TENM1: variants seen among roughly 807,000 people sequenced by gnomAD.
The protein encoded by TENM1 is teneurin-1.
In TENM1, 35 loss-of-function variants were observed where a neutral mutation model predicts 174.8. The ratio of observed to expected loss-of-function variants is 0.20; its 90% CI spans 0.15 to 0.27. TENM1 has a LOEUF of 0.27. Ranked by LOEUF, TENM1 falls within the 10% of genes least tolerant of loss-of-function variation. TENM1 has a pLI of 1.00. For synonymous variants in TENM1, 781 were observed against 798.7 expected, an observed-to-expected ratio of 0.98 and a Z score of 0.37; for missense variants, 1,633 against 2,130.1, an observed-to-expected ratio of 0.77 and a Z score of 4.59.
At chrX:124,522,396 G>T (rs2148048105) in intron 17 of TENM1, among the ~76,000 whole-genome samples, 1 of 111,375 alleles carries the variant, frequency 9.0e-6, no homozygotes, top group Admixed American at 9.5e-5. Flanking sequence ...TCATTAAAAT[G>T]TTTCTATAAT....
intron 3 of TENM1, among the ~76,000 whole-genome samples, chrX:124,800,446 C>T (rs2055417095): frequency 2.7e-5 from 3 of 110,374 alleles, no homozygotes; most frequent in African/African-American, 9.9e-5. Context: ...TGGTGATATC[C>T]CCTTTATCAT....
chrX:125,037,498 C>T, the TENM1 span, among the ~76,000 whole-genome samples: 1 of 110,959 alleles, frequency 9.0e-6, no homozygotes, highest in African/African-American at 3.3e-5. Context: ...CTGTACCTTC[C>T]CGTTCACCCT....
intron 1 of TENM1, among the ~76,000 whole-genome samples, chrX:124,896,550 T>C (rs2057565711): frequency 9.0e-6 from 1 of 111,547 alleles, no homozygotes; most frequent in Non-Finnish European, 1.9e-5. Context: ...GTATAAAGTG[T>C]AGAGAGGTGT....
At chrX:124,791,201 T>C (rs1317029859) in intron 3 of TENM1, among the ~76,000 whole-genome samples, 1 of 112,195 alleles carries the variant, frequency 8.9e-6, no homozygotes, top group Non-Finnish European at 1.9e-5. Flanking sequence ...TTAGTCCTAT[T>C]CACATATGAC....
At chrX:124,889,024 A>C (rs1194738856) in intron 3 of TENM1, among the ~76,000 whole-genome samples, 4 of 112,393 alleles carry the variant, frequency 3.6e-5, no homozygotes, top group Non-Finnish European at 7.5e-5. Flanking sequence ...TATTGTATTA[A>C]TATTACCACT....
the TENM1 span, among the ~76,000 whole-genome samples, chrX:125,170,708 C>G: frequency 9.0e-6 from 1 of 111,047 alleles, no homozygotes; most frequent in East Asian, 2.8e-4. Flanking sequence ...AGGGTGTATA[C>G]CCTCTAGGGA....
intron 1 of TENM1, among the ~76,000 whole-genome samples, chrX:124,953,935 T>G (rs1423661086): frequency 1.8e-5 from 2 of 111,589 alleles, no homozygotes; most frequent in South Asian, 7.4e-4. Context: ...ATAGAATGAA[T>G]GCGCAGAGGC....
chrX:125,125,979 TTTC>T, the TENM1 span, among the ~76,000 whole-genome samples: 1 of 112,069 alleles, frequency 8.9e-6, no homozygotes, highest in Non-Finnish European at 1.9e-5. Flanking sequence ...TCCCAAAGCA[TTTC>T]TTTTTTCCTT....
At chrX:124,500,116 AAAG>A (rs1218473691) in intron 19 of TENM1, among the ~76,000 whole-genome samples, 1 of 111,739 alleles carries the variant, frequency 8.9e-6, no homozygotes, top group Admixed American at 9.5e-5. Flanking sequence ...ACACTCCATC[AAAG>A]AAGAAGAATG....
At chrX:124,772,344 C>T (rs893481177) in intron 3 of TENM1, among the ~76,000 whole-genome samples, 1 of 111,636 alleles carries the variant, frequency 9.0e-6, no homozygotes, top group Non-Finnish European at 1.9e-5. Context: ...CCATGTTGGC[C>T]AGGCTGGCCT....
In TENM1 at chrX:124,680,692, C is replaced by A. The variant is rs148505652; in HGVS notation, c.1016-8857G>T. Among the ~76,000 whole-genome samples, 5 of 111,458 alleles carry A rather than the reference C, an allele frequency of 4.5e-5. No individual in the cohort carries two copies. In the East Asian group the frequency reaches 1.4e-3, roughly 31 times the overall value. On this transcript the variant is annotated intron_variant, in intron 5 of 31. Transcript: ENST00000422452. ...ATTTAAAAAACAGTTTAATGAATAACGTAGCAAAAATATAAATTTAGACAT... is the reference window on the plus strand; with the variant it reads ...ATTTAAAAAACAGTTTAATGAATAAAGTAGCAAAAATATAAATTTAGACAT...
At chrX:125,071,389 A>T in the TENM1 span, among the ~76,000 whole-genome samples, 1 of 111,850 alleles carries the variant, frequency 8.9e-6, no homozygotes, top group East Asian at 2.8e-4. Flanking sequence ...GATTCATCCC[A>T]ATCTCCTACT....
At chrX:124,601,697 A>T (rs1386427318) in intron 11 of TENM1, among the ~76,000 whole-genome samples, 1 of 110,485 alleles carries the variant, frequency 9.1e-6, no homozygotes, top group East Asian at 2.8e-4. Context: ...AGTCTACCCA[A>T]ACCGTATGAT....
chrX:125,043,095 T>C, the TENM1 span, among the ~76,000 whole-genome samples: 1 of 106,899 alleles, frequency 9.4e-6, no homozygotes. Flanking sequence ...ATTCAGGACA[T>C]AGGCGTGGGC....
At chrX:124,813,342 T>C (rs1007122933) in intron 3 of TENM1, among the ~76,000 whole-genome samples, 1 of 111,965 alleles carries the variant, frequency 8.9e-6, no homozygotes, top group African/African-American at 3.2e-5. Context: ...CACAAACTGA[T>C]AATGGGAATT....
rs966374386 is a variant in TENM1 at position 124,708,806 on chromosome X, T to C, written c.777-3555A>G. ...GGTAGGGGTATTTTCTGAACTTTTC[T>C]GCCTTGAGCTTGTATTGATTTTGTA... On this transcript the variant is annotated intron_variant, in intron 4 of 31. Coordinates refer to ENST00000422452, the Ensembl canonical transcript of TENM1. Among the ~76,000 whole-genome samples the C allele has an allele frequency of 5.4e-5, 6 of 111,840 alleles. No homozygotes were observed. The Admixed American group carries it at 5.7e-4, about 11-fold the overall frequency.
chrX:125,108,909 T>C, the TENM1 span, among the ~76,000 whole-genome samples: 5 of 110,567 alleles, frequency 4.5e-5, no homozygotes, highest in Admixed American at 3.8e-4. Context: ...CCATTTATCA[T>C]TATTTTCAAC....
intron 14 of TENM1, among the ~76,000 whole-genome samples, chrX:124,561,049 C>A (rs1279909046): frequency 1.8e-5 from 2 of 111,336 alleles, no homozygotes; most frequent in African/African-American, 3.3e-5. Flanking sequence ...ATTTAAAATT[C>A]TACCATAAAT....
At chrX:124,993,678 C>G in the TENM1 span, among the ~76,000 whole-genome samples, 2 of 110,938 alleles carry the variant, frequency 1.8e-5, no homozygotes, top group African/African-American at 6.5e-5. Context: ...ACAGACCACC[C>G]ACAAAGTTAA....
Sources: allele counts gnomAD v4.1 joint callset (sites outside exome capture counted in the v4.1 genomes callset), GRCh38; gene constraint gnomAD v4.1.1; transcripts MANE v1.5; gene names NCBI Gene and HGNC (gene_info 2026-07-23, HGNC 2026-07-21).